CYFIP2: variants seen among roughly 807,000 people sequenced by gnomAD.
The protein encoded by CYFIP2 is cytoplasmic FMR1-interacting protein 2.
In CYFIP2, 29 loss-of-function variants were observed where a neutral mutation model predicts 158.7. That is an observed-to-expected ratio of 0.18 (90% CI 0.14 to 0.25). The LOEUF is 0.25. CYFIP2 is among the 10% of genes least tolerant of loss of function. The pLI is 1.00. For synonymous variants in CYFIP2, 585 were observed against 617.6 expected, an observed-to-expected ratio of 0.95 and a Z score of 0.78; for missense variants, 852 against 1,639.5, an observed-to-expected ratio of 0.52 and a Z score of 8.29.
intron 24 of CYFIP2, among the ~76,000 whole-genome samples, chr5:157,359,514 C>T (rs1181783569): frequency 6.6e-6 from 1 of 152,202 alleles, no homozygotes; most frequent in Non-Finnish European, 1.5e-5. Context: ...GACACATGTG[C>T]TGCCATTTTC....
At chr5:157,338,896 A>AC (rs1254845897) in intron 21 of CYFIP2, among the ~76,000 whole-genome samples, 161 bp from the exon 22 acceptor site, 1 of 152,198 alleles carries the variant, frequency 6.6e-6, no homozygotes, top group East Asian at 1.9e-4. Flanking sequence ...TCAGAAGGGA[A>AC]CCTTGTCACC....
At position 157,394,918 on chromosome 5, in the gene CYFIP2, G is replaced by C. The variant is rs1767624226; in HGVS notation, c.*1918G>C. ...AACATGCTTTCAAAACATATAAAAT[G>C]TCAAAGTTCCAGATCCTTCTACATC... On this transcript the variant is annotated 3_prime_UTR_variant, in exon 31 of 31. Coordinates refer to ENST00000620254, the MANE Select transcript of CYFIP2 (RefSeq NM_001037333.3). 2 of 152,394 alleles carry C rather than the reference G, an allele frequency of 1.3e-5. No homozygotes were observed. Among genetic ancestry groups the C allele is most frequent in the Non-Finnish European group, 2.9e-5 (2 of 68,198 alleles). 9.4% of individuals were successfully genotyped at this position (152,394 alleles called of 1,614,324 possible).
intron 26 of CYFIP2, among the ~76,000 whole-genome samples, chr5:157,378,861 T>C (rs1000864310): frequency 6.6e-6 from 1 of 152,258 alleles, no homozygotes; most frequent in Non-Finnish European, 1.5e-5. Flanking sequence ...TTCTAGAGAC[T>C]TGGAGACCAT....
intron 1 of CYFIP2, among the ~76,000 whole-genome samples, chr5:157,270,197 T>G (rs1755973438): frequency 6.6e-6 from 1 of 152,228 alleles, no homozygotes; most frequent in African/African-American, 2.4e-5. Flanking sequence ...TTGATTCTGT[T>G]TGCGTCATTA....
intron 23 of CYFIP2, among the ~76,000 whole-genome samples, chr5:157,353,885 A>G (rs2113325576): frequency 6.6e-6 from 1 of 152,370 alleles, no homozygotes; most frequent in Non-Finnish European, 1.5e-5. Context: ...AATTCAGTTT[A>G]CCAAGTAAAT....
chr5:157,286,868 T>C, intron 2 of CYFIP2, 151 bp from the exon 3 acceptor site: 1 of 582,372 alleles, frequency 1.7e-6, no homozygotes, highest in Non-Finnish European at 3.2e-6. Flanking sequence ...AGTGGGACTT[T>C]GTGGGGAAGG....
intron 10 of CYFIP2, chr5:157,310,916 G>T: frequency 2.2e-6 from 1 of 446,890 alleles, no homozygotes; most frequent in Admixed American, 2.4e-5. Flanking sequence ...GCACCTGAGG[G>T]TAGAAGAGGG....
In CYFIP2 at chr5:157,266,385, C is replaced by G. The variant is rs1287214926; in HGVS notation, c.-24+190C>G. The G allele has an allele frequency of 6.6e-6, 1 of 151,754 alleles. No individual in the cohort carries two copies. The highest frequency in any genetic ancestry group is 1.9e-4 in the East Asian group (1 of 5,160). The allele number at this position is 151,754 out of a possible 1,614,324, so 9.4% of individuals were successfully genotyped here. ...CGGCCCCTTTCCCCCTCGGACCCAC[C>G]GTGCGTCCCGCGGCACGGACCCTCT... On this transcript the variant is annotated intron_variant, in intron 1 of 30. Coordinates refer to ENST00000620254, the MANE Select transcript of CYFIP2 (RefSeq NM_001037333.3). The surrounding 1 kb of genome is among the most constrained non-coding windows in gnomAD (Gnocchi z 4.2).
intron 16 of CYFIP2, 39 bp downstream of exon 16, chr5:157,324,113 G>A (rs1372077798): frequency 6.4e-7 from 1 of 1,571,096 alleles, no homozygotes; most frequent in African/African-American, 1.4e-5. Flanking sequence ...ATGGGAGGAG[G>A]GGATGAGGGC....
intron 26 of CYFIP2, among the ~76,000 whole-genome samples, chr5:157,368,373 C>T (rs1764631274): frequency 1.3e-5 from 2 of 152,204 alleles, no homozygotes; most frequent in South Asian, 4.1e-4. Context: ...CCACCCCTCT[C>T]AGACCGTCAC....
At chr5:157,302,760 G>A (rs1008850987) in intron 6 of CYFIP2, 34 bp from the exon 7 acceptor site, 2 of 1,537,432 alleles carry the variant, frequency 1.3e-6, no homozygotes, top group East Asian at 2.4e-5. Flanking sequence ...CACTTGGACA[G>A]TCCTCTCTGC....
intron 25 of CYFIP2, 39 bp downstream of exon 25, chr5:157,360,411 G>A (rs767594425): frequency 2.5e-5 from 39 of 1,546,006 alleles, no homozygotes; most frequent in Non-Finnish European, 2.7e-6. Flanking sequence ...CTCCCATGGT[G>A]GGGAGGGAGG....
At chr5:157,329,041 A>G (rs572937559) in intron 19 of CYFIP2, among the ~76,000 whole-genome samples, 12 of 152,360 alleles carry the variant, frequency 7.9e-5, no homozygotes, top group African/African-American at 1.7e-4. Context: ...TAATTTTTCT[A>G]TGAAAAGGAT....
intron 29 of CYFIP2, 33 bp from the exon 30 acceptor site, chr5:157,390,488 C>G: frequency 6.9e-7 from 1 of 1,439,584 alleles, no homozygotes; most frequent in Non-Finnish European, 9.4e-7. Flanking sequence ...CCCCCGACCT[C>G]TCACTCCAGC....
In CYFIP2 at chr5:157,392,378, T is replaced by C. The variant is rs376032108; in HGVS notation, c.3595-455T>C. Among the ~76,000 whole-genome samples, 11 of 152,328 alleles carry C rather than the reference T, an allele frequency of 7.2e-5. 1 individual carries two copies. The highest frequency in any genetic ancestry group is 6.5e-4 in the Admixed American group (10 of 15,304). ...TTTAATCTCATGGTTACGTCTCTAA[T>C]CCATTCTGAGTTAATTTTTTGTATA... On this transcript the variant is annotated intron_variant, in intron 30 of 30. Coordinates refer to ENST00000620254, the MANE Select transcript of CYFIP2 (RefSeq NM_001037333.3).
At position 157,393,141 on chromosome 5, in the gene CYFIP2, C is replaced by T. The variant is rs1445760889; in HGVS notation, c.*141C>T. 4.5e-6 allele frequency: 4 copies of T among 889,814 alleles called. No homozygotes were observed. Among genetic ancestry groups the T allele is most frequent in the East Asian group, 5.4e-5 (2 of 36,966 alleles). 55.1% of individuals were successfully genotyped at this position (889,814 alleles called of 1,614,324 possible). ...GCACCTCCCCAAACACATCACCACTCCCTAGGGCGGGGCCTGTGCATGCTC... is the reference window on the plus strand; with the variant it reads ...GCACCTCCCCAAACACATCACCACTTCCTAGGGCGGGGCCTGTGCATGCTC... On this transcript the variant is annotated 3_prime_UTR_variant, in exon 31 of 31. Coordinates refer to ENST00000620254, the MANE Select transcript of CYFIP2 (RefSeq NM_001037333.3).
intron 1 of CYFIP2, among the ~76,000 whole-genome samples, chr5:157,281,760 T>G (rs1757006382): frequency 6.6e-6 from 1 of 152,254 alleles, no homozygotes; most frequent in Admixed American, 6.5e-5. Flanking sequence ...CAAAGTCAAA[T>G]CTACAAAATA....
intron 20 of CYFIP2, among the ~76,000 whole-genome samples, chr5:157,331,832 A>C (rs1206001780): frequency 6.6e-6 from 1 of 152,198 alleles, no homozygotes; most frequent in Non-Finnish European, 1.5e-5. Flanking sequence ...AGAGAAGTTG[A>C]AAAATAAAAT....
chr5:157,334,372 A>G (rs371491735), intron 21 of CYFIP2, among the ~76,000 whole-genome samples: 228 of 152,350 alleles, frequency 1.5e-3, no homozygotes, highest in African/African-American at 5.1e-3. Context: ...ATGCCGCAGT[A>G]CACCTACAAA....
Sources: allele counts gnomAD v4.1 joint callset (sites outside exome capture counted in the v4.1 genomes callset), GRCh38; gene constraint gnomAD v4.1.1; non-coding constraint Gnocchi (gnomAD v3.1); transcripts MANE v1.5; gene names NCBI Gene and HGNC (gene_info 2026-07-23, HGNC 2026-07-21).